The following XYLT1 variants were observed in gnomAD, a reference collection of about 807,000 sequenced individuals.
The protein encoded by XYLT1 is xylosyltransferase 1, also known as beta-D-xylosyltransferase 1.
In XYLT1, 36 loss-of-function variants were observed where a neutral mutation model predicts 91.3. The ratio of observed to expected loss-of-function variants is 0.39; its 90% confidence interval spans 0.30 to 0.52. The LOEUF (loss-of-function observed/expected upper bound fraction) is 0.52, where lower values mean the gene tolerates loss of function less well. XYLT1 is among the 20% of genes least tolerant of loss of function. XYLT1 has a pLI of 0.68. For synonymous variants in XYLT1, 588 were observed against 532.0 expected (o/e 1.11, Z -1.45); for missense variants, 1,242 against 1,284.5 (o/e 0.97, Z 0.51).
At chr16:17,156,492 G>A (rs1428224704) in intron 6 of XYLT1, among the ~76,000 whole-genome samples, 2 of 152,220 alleles carry the variant, frequency 1.3e-5, no homozygotes, top group Non-Finnish European at 2.9e-5. Context: ...TGGAATCCTT[G>A]CCCAGCCCCA....
intron 3 of XYLT1, among the ~76,000 whole-genome samples, chr16:17,239,930 T>A (rs765599532): frequency 6.6e-6 from 1 of 152,190 alleles, no homozygotes. Context: ...TTCTCATTCA[T>A]CCCTCCATTT....
intron 3 of XYLT1, among the ~76,000 whole-genome samples, chr16:17,256,702 T>C (rs1035006502): frequency 1.3e-5 from 2 of 152,024 alleles, no homozygotes; most frequent in African/African-American, 4.8e-5. Context: ...TAAGAGGTCT[T>C]TTTAGTCTAC....
intron 2 of XYLT1, among the ~76,000 whole-genome samples, chr16:17,295,727 G>A (rs1343887396): frequency 1.3e-5 from 2 of 152,186 alleles, no homozygotes; most frequent in Non-Finnish European, 2.9e-5. Context: ...AGACATTTTT[G>A]TTGTCACACT....
intron 2 of XYLT1, among the ~76,000 whole-genome samples, chr16:17,334,296 G>A (rs1182805633): frequency 6.6e-6 from 1 of 152,168 alleles, no homozygotes; most frequent in Non-Finnish European, 1.5e-5. Flanking sequence ...CCTCCCAACA[G>A]TGCCTCATGA....
chr16:17,127,758 T>C lies in XYLT1; in HGVS notation c.2131A>G (p.Lys711Glu), dbSNP rs573097110. Residue 711 changes from lysine to glutamate, a missense_variant, in exon 10 of 12, where the codon AAA becomes GAA. Transcript: ENST00000261381. ...KHHATNLAVSKLETLETWVMP... is the reference protein window; with the variant it reads ...KHHATNLAVSELETLETWVMP... ...ACCCAGGTCTCCAGAGTCTCTAGTT[T>C]GCTCACAGCCAGATTGGTAGCATGA... The C allele has an allele frequency of 6.2e-7, 1 of 1,614,212 alleles. No individual in the cohort carries two copies.
intron 2 of XYLT1, among the ~76,000 whole-genome samples, chr16:17,329,628 T>C (rs2034866009): frequency 6.6e-6 from 1 of 152,162 alleles, no homozygotes; most frequent in African/African-American, 2.4e-5. Flanking sequence ...TAAACACTCA[T>C]GGAAGTAGTA....
intron 2 of XYLT1, among the ~76,000 whole-genome samples, chr16:17,323,420 C>T (rs940190455): frequency 6.6e-6 from 1 of 152,174 alleles, no homozygotes; most frequent in African/African-American, 2.4e-5. Context: ...ATTAAAACCC[C>T]GGCTCCACTC....
intron 1 of XYLT1, among the ~76,000 whole-genome samples, chr16:17,376,616 C>G (rs1596511704): frequency 6.6e-6 from 1 of 152,222 alleles, no homozygotes; most frequent in Admixed American, 6.5e-5. Context: ...CACTTGAGGT[C>G]AGGAGTTCAA....
At chr16:17,117,095 T>C (rs1420010185) in intron 11 of XYLT1, among the ~76,000 whole-genome samples, 1 of 152,166 alleles carries the variant, frequency 6.6e-6, no homozygotes, top group African/African-American at 2.4e-5. Flanking sequence ...AACATGTACA[T>C]GAATGAGCAT....
intron 1 of XYLT1, among the ~76,000 whole-genome samples, chr16:17,377,698 A>C (rs1030498246): frequency 5.3e-5 from 8 of 152,164 alleles, no homozygotes; most frequent in African/African-American, 1.9e-4. Context: ...GGAGTCCTCG[A>C]AACCCAGACA....
At chr16:17,449,451 G>C (rs752154698) in intron 1 of XYLT1, among the ~76,000 whole-genome samples, 2 of 152,234 alleles carry the variant, frequency 1.3e-5, no homozygotes, top group Non-Finnish European at 2.9e-5. Flanking sequence ...GGAAGAGGGC[G>C]CCTCCCCTGT....
intron 2 of XYLT1, among the ~76,000 whole-genome samples, chr16:17,303,935 C>A (rs1313349726): frequency 6.6e-6 from 1 of 152,066 alleles, no homozygotes; most frequent in African/African-American, 2.4e-5. Flanking sequence ...AATGATGTGG[C>A]AGACACACAA....
chr16:17,193,281 C>T (rs2032358820), intron 5 of XYLT1: 1 of 152,182 alleles, frequency 6.6e-6, no homozygotes. Context: ...GTGGTAGGTC[C>T]TTATCATGCA....
At chr16:17,177,492 A>G (rs906008640) in intron 5 of XYLT1, among the ~76,000 whole-genome samples, 1 of 152,154 alleles carries the variant, frequency 6.6e-6, no homozygotes, top group African/African-American at 2.4e-5. Context: ...AGCGATGTTA[A>G]TGGTTCTATT....
chr16:17,238,508 T>C (rs1033883342), intron 3 of XYLT1, among the ~76,000 whole-genome samples: 24 of 152,342 alleles, frequency 1.6e-4, no homozygotes, highest in Middle Eastern at 3.4e-3. Context: ...GGCGTGGTAG[T>C]GTTTTTACAA....
intron 2 of XYLT1, among the ~76,000 whole-genome samples, chr16:17,287,084 T>C (rs553618292): frequency 6.6e-6 from 1 of 152,152 alleles, no homozygotes; most frequent in Non-Finnish European, 1.5e-5. Context: ...TAGGTGAATT[T>C]TGGCTCCTAC....
intron 3 of XYLT1, among the ~76,000 whole-genome samples, chr16:17,228,258 G>T (rs777397151): frequency 1.2e-4 from 18 of 152,172 alleles, no homozygotes; most frequent in South Asian, 2.1e-4. Flanking sequence ...CGATTGACAG[G>T]ATTAGTGAAG....
At chr16:17,230,894 G>A (rs901379230) in intron 3 of XYLT1, among the ~76,000 whole-genome samples, 2 of 152,090 alleles carry the variant, frequency 1.3e-5, no homozygotes, top group African/African-American at 2.4e-5. Context: ...CTGTACTACC[G>A]GCACCTAGTA....
At chr16:17,421,925 A>C (rs911820763) in intron 1 of XYLT1, among the ~76,000 whole-genome samples, 1 of 151,802 alleles carries the variant, frequency 6.6e-6, no homozygotes, top group African/African-American at 2.4e-5. Flanking sequence ...GCAGCCTTGA[A>C]CTCCTGGGCT....
Sources: gnomAD v4.1 joint callset for allele counts (sites outside exome capture counted in the v4.1 genomes callset) on GRCh38, gnomAD v4.1.1 for gene constraint, MANE v1.5 for transcripts, NCBI Gene and HGNC (gene_info 2026-07-23, HGNC 2026-07-21) for gene names.